Variants in AGBL4 observed in about 807,000 individuals in gnomAD.
AGBL4 encodes the protein cytosolic carboxypeptidase 6.
In AGBL4, 58 loss-of-function variants were observed where a neutral mutation model predicts 66.4. The ratio of observed to expected loss-of-function variants is 0.87; its 90% CI spans 0.71 to 1.09. The LOEUF (loss-of-function observed/expected upper bound fraction) is 1.09. Ranked by LOEUF, AGBL4 falls within the 50% of genes least tolerant of loss-of-function variation. The pLI is 0.00. For missense variants in AGBL4, 579 were observed against 631.0 expected (o/e 0.92, Z 0.88); for synonymous variants, 234 against 222.9 (o/e 1.05, Z -0.44).
intron 3 of AGBL4, among the ~76,000 whole-genome samples, chr1:49,640,955 C>A (rs147902613): frequency 6.6e-6 from 1 of 152,022 alleles, no homozygotes; most frequent in Non-Finnish European, 1.5e-5. Flanking sequence ...ACAATCCTTG[C>A]GATGGGACTC....
At chr1:49,776,349 C>T (rs969446236) in intron 2 of AGBL4, among the ~76,000 whole-genome samples, 1 of 152,074 alleles carries the variant, frequency 6.6e-6, no homozygotes, top group Admixed American at 6.5e-5. Flanking sequence ...CTAGCAGTAG[C>T]CAGAAATAAC....
At chr1:48,819,794 C>G (rs1251054817) in intron 6 of AGBL4, among the ~76,000 whole-genome samples, 2 of 152,194 alleles carry the variant, frequency 1.3e-5, no homozygotes, top group African/African-American at 4.8e-5. Flanking sequence ...TTTCTGTTCT[C>G]TTTAAAGTGT....
intron 2 of AGBL4, among the ~76,000 whole-genome samples, chr1:49,738,000 G>A (rs372970237): frequency 4.9e-4 from 75 of 151,962 alleles, no homozygotes; most frequent in Middle Eastern, 3.4e-3. Flanking sequence ...TGCACCGAGC[G>A]TGAGCATTTC....
intron 3 of AGBL4, among the ~76,000 whole-genome samples, chr1:49,517,393 T>A (rs941543686): frequency 9.2e-5 from 14 of 151,758 alleles, no homozygotes; most frequent in Non-Finnish European, 1.5e-5. Flanking sequence ...CAGCACATAA[T>A]ATATAAAAGA....
intron 2 of AGBL4, among the ~76,000 whole-genome samples, chr1:49,765,384 G>A (rs528752370): frequency 5.3e-5 from 8 of 151,862 alleles, no homozygotes; most frequent in Middle Eastern, 3.4e-3. Context: ...CATACTCTAC[G>A]GTCACACTCC....
At chr1:49,305,695 CTT>C (rs34572464) in intron 3 of AGBL4, among the ~76,000 whole-genome samples, 6 of 146,102 alleles carry the variant, frequency 4.1e-5, no homozygotes, top group Non-Finnish European at 3.0e-5. Flanking sequence ...TTAATCATTC[CTT>C]TTTTTTTTTT....
rs557819411 is a variant in AGBL4, at chr1:49,348,319, G to C, written c.283-102455C>G. Among the ~76,000 whole-genome samples, 24 of 152,274 alleles carry C rather than the reference G, an allele frequency of 1.6e-4. No homozygotes were observed. The South Asian group carries it at 5.0e-3, about 32-fold the overall frequency. On this transcript the variant is annotated intron_variant, in intron 3 of 13. Transcript: ENST00000371839. The stretch of plus-strand genomic sequence containing the variant: ...TGTAGTCCCAGCTACTGGGTAGGCT[G>C]AGGCAGGAGAATGGCATGAACCCGG...
At chr1:49,733,045 A>G (rs1158749307) in intron 2 of AGBL4, among the ~76,000 whole-genome samples, 1 of 152,178 alleles carries the variant, frequency 6.6e-6, no homozygotes, top group Non-Finnish European at 1.5e-5. Flanking sequence ...AAAAAGGGGA[A>G]ATAACTTATC....
chr1:49,362,212 G>A (rs1644152431), intron 3 of AGBL4, among the ~76,000 whole-genome samples: 2 of 152,192 alleles, frequency 1.3e-5, no homozygotes, highest in Middle Eastern at 3.4e-3. Flanking sequence ...ATGTGACCCA[G>A]ATGTGGGTTT....
chr1:49,529,946 G>A (rs1394759956), intron 3 of AGBL4, among the ~76,000 whole-genome samples: 1 of 151,858 alleles, frequency 6.6e-6, no homozygotes, highest in Non-Finnish European at 1.5e-5. Context: ...AGAGGTGAAA[G>A]AGGAAAAGGA....
intron 4 of AGBL4, among the ~76,000 whole-genome samples, chr1:49,139,211 C>T (rs1646070009): frequency 6.6e-6 from 1 of 152,136 alleles, no homozygotes; most frequent in African/African-American, 2.4e-5. Flanking sequence ...CAAACCATAT[C>T]AGGCATAGCC....
chr1:49,796,575 A>G (rs1395945259), intron 2 of AGBL4, among the ~76,000 whole-genome samples: 1 of 151,362 alleles, frequency 6.6e-6, no homozygotes, highest in Admixed American at 6.6e-5. Flanking sequence ...GAAGACTTAA[A>G]AATTCGTTCA....
chr1:49,692,963 A>C (rs939606543), intron 3 of AGBL4, among the ~76,000 whole-genome samples: 2 of 152,224 alleles, frequency 1.3e-5, no homozygotes, highest in African/African-American at 2.4e-5. Flanking sequence ...AGTCAAAATA[A>C]TAACTCTATC....
intron 5 of AGBL4, among the ~76,000 whole-genome samples, chr1:48,880,406 G>A (rs530791588): frequency 2.0e-5 from 3 of 152,184 alleles, no homozygotes; most frequent in South Asian, 2.1e-4. Context: ...TTGCAATTGC[G>A]AATTGTGCTG....
intron 3 of AGBL4, among the ~76,000 whole-genome samples, chr1:49,531,989 G>A (rs568133979): frequency 1.3e-4 from 20 of 152,188 alleles, no homozygotes; most frequent in African/African-American, 4.6e-4. Context: ...TTTGACTTTA[G>A]TAACTCTCAC....
At chr1:48,686,499 G>T (rs1646533761) in intron 6 of AGBL4, among the ~76,000 whole-genome samples, 1 of 152,168 alleles carries the variant, frequency 6.6e-6, no homozygotes, top group African/African-American at 2.4e-5. Context: ...GCAATGCTTT[G>T]AACATAGAAA....
intron 4 of AGBL4, among the ~76,000 whole-genome samples, chr1:49,145,281 T>TAGGA (rs1361930012): frequency 6.6e-6 from 1 of 152,144 alleles, no homozygotes. Context: ...CTCTGCTACA[T>TAGGA]ATATTAAAGA....
intron 2 of AGBL4, among the ~76,000 whole-genome samples, chr1:49,783,947 A>G (rs1180967749): frequency 6.6e-6 from 1 of 152,152 alleles, no homozygotes; most frequent in Non-Finnish European, 1.5e-5. Flanking sequence ...AAATAAATGT[A>G]AGGGTTTGTA....
chr1:49,297,589 T>C (rs1393745846), intron 3 of AGBL4, among the ~76,000 whole-genome samples: 1 of 152,218 alleles, frequency 6.6e-6, no homozygotes, highest in Admixed American at 6.5e-5. Context: ...CTGTAGCACT[T>C]GGTTTCTCGC....
Sources: allele counts gnomAD v4.1 joint callset (sites outside exome capture counted in the v4.1 genomes callset), GRCh38; gene constraint gnomAD v4.1.1; transcripts MANE v1.5; gene names NCBI Gene and HGNC (gene_info 2026-07-23, HGNC 2026-07-21).